CNR2: variants seen among roughly 807,000 people sequenced by gnomAD.
CNR2 encodes cannabinoid receptor 2 (macrophage).
For missense variants in CNR2, 379 were observed against 439.9 expected, an observed-to-expected ratio of 0.86 and a Z score of 1.24; for synonymous variants, 172 against 182.2, an observed-to-expected ratio of 0.94 and a Z score of 0.45.
At chr1:23,882,095 G>T (rs1639998057) in intron 1 of CNR2, among the ~76,000 whole-genome samples, 1 of 151,500 alleles carries the variant, frequency 6.6e-6, no homozygotes, top group African/African-American at 2.4e-5. Context: ...CTAATTTTTT[G>T]TATTTTTAGT....
chr1:23,885,982 G>T (rs1640082690), intron 1 of CNR2, among the ~76,000 whole-genome samples: 1 of 151,798 alleles, frequency 6.6e-6, no homozygotes, highest in African/African-American at 2.4e-5. Context: ...AAGGTCAGGA[G>T]TTTGAGACCA....
intron 1 of CNR2, chr1:23,902,241 A>G: frequency 7.4e-7 from 1 of 1,355,978 alleles, no homozygotes; most frequent in Middle Eastern, 1.9e-4. Flanking sequence ...AATGATCTCC[A>G]ACGTCTGCCG....
In CNR2 at chr1:23,874,595, C is replaced by T. The variant is rs745782815; in HGVS notation, c.1023G>A (p.Glu341=). Residue 341 remains glutamate (E), a synonymous_variant, in exon 2 of 2, where the codon GAG becomes GAA. Transcript: ENST00000374472. ...EAPRSSVTET[E]ADGKITPWPD... ...GCCACGGAGTGATTTTCCCATCAGC[C>T]TCTGTCTCGGTGACTGAGGATCTCG... 3 of 1,614,020 alleles carry T rather than the reference C, an allele frequency of 1.9e-6. No individual in the cohort carries two copies. In the African/African-American group the frequency reaches 4.0e-5, roughly 22 times the overall value.
intron 1 of CNR2, among the ~76,000 whole-genome samples, chr1:23,898,335 C>CCAATTTTTTTTTTTTTTTTTTTT (rs1230917304): frequency 9.2e-6 from 1 of 108,226 alleles, no homozygotes; most frequent in Non-Finnish European, 1.8e-5. Context: ...CCGCGCCCGG[C>CCAATTTTTTTTTTTTTTTTTTTT]TTTTTTTTTT....
intron 1 of CNR2, among the ~76,000 whole-genome samples, chr1:23,903,509 A>C (rs1640437815): frequency 6.6e-6 from 1 of 150,574 alleles, no homozygotes; most frequent in African/African-American, 2.5e-5. Context: ...AGGTGGTTGA[A>C]GCTACAGCTA....
At chr1:23,909,966 T>C (rs1217754016) in intron 1 of CNR2, among the ~76,000 whole-genome samples, 5 of 150,402 alleles carry the variant, frequency 3.3e-5, no homozygotes, top group Non-Finnish European at 5.9e-5. Context: ...GTCTCTCTCC[T>C]TCTTTTTTTT....
At chr1:23,904,919 T>A (rs1416634863) in intron 1 of CNR2, among the ~76,000 whole-genome samples, 1 of 152,150 alleles carries the variant, frequency 6.6e-6, no homozygotes, top group African/African-American at 2.4e-5. Context: ...TACCTCTTCC[T>A]GGTTTGGCCA....
chr1:23,902,081 GA>G lies in CNR2; in HGVS notation c.-46+11164del. ...GCAAACTCCTCTAGGGTCATGGTTGGAATTCGGATCAGATAGAGGGCTCGCC... is the reference window on the plus strand; with the variant it reads ...GCAAACTCCTCTAGGGTCATGGTTGGATTCGGATCAGATAGAGGGCTCGCC... On this transcript the variant is annotated intron_variant, in intron 1 of 1. Coordinates refer to ENST00000374472, the MANE Select transcript of CNR2 (RefSeq NM_001841.3). 2.6e-6 allele frequency: 4 copies of G among 1,519,640 alleles called. No individual in the cohort carries two copies. The South Asian group carries it at 4.5e-5, about 17-fold the overall frequency. The allele number at this position is 1,519,640 out of a possible 1,614,324, so 94.1% of individuals were successfully genotyped here. A position where few individuals can be genotyped will look rare whatever the true frequency, so the allele number is the denominator to read the frequency against.
rs199818268 is a variant in CNR2, at chr1:23,874,824, A to C, written c.794T>G (p.Met265Arg). 39 of 1,614,094 alleles carry C rather than the reference A, an allele frequency of 2.4e-5. No individual in the cohort carries two copies. Among genetic ancestry groups the C allele is most frequent in the Non-Finnish European group, 3.2e-5 (38 of 1,180,042 alleles). The change falls in exon 2 of 2, where the codon ATG becomes AGG. Residue 265 changes from methionine (M) to arginine (R), a missense_variant. Physicochemically the swap from Met to Arg is moderately conservative, Grantham distance 91. Transcript: ENST00000374472. ...LICWFPVLAL[M>R]AHSLATTLSD... ...GAGCGTAGTGGCCAGGCTGTGGGCC[A>C]TGAGGGCCAGCACTGGGAACCAACA...
At position 23,901,843 on chromosome 1, in the gene CNR2, A is replaced by C. The variant is rs966680472; in HGVS notation, c.-46+11403T>G. On this transcript the variant is annotated intron_variant, in intron 1 of 1. Transcript: ENST00000374472. The stretch of plus-strand genomic sequence containing the variant: ...CAATAAATACCCTTCTGTCCACTGC[A>C]AACTGGATGCTGTCGCAGCGCCCGC... 2.5e-6 allele frequency: 4 copies of C among 1,609,146 alleles called. 1 individual carries two copies. The highest frequency in any genetic ancestry group is 3.3e-4 in the Middle Eastern group (2 of 6,052).
Position 23,895,109 on chromosome 1 carries a change from C to G in CNR2, c.-46+18137G>C, listed in dbSNP as rs577681020. On this transcript the variant is annotated intron_variant, in intron 1 of 1. Transcript: ENST00000374472. Reference sequence around the variant, plus strand: ...TGGTGGCGTGTGCCTATAATCCCAGCTACTTGGAGGCTGAGGCAGGAGAAT... The same window carrying G: ...TGGTGGCGTGTGCCTATAATCCCAGGTACTTGGAGGCTGAGGCAGGAGAAT... Among the ~76,000 whole-genome samples the G allele has an allele frequency of 1.2e-3, 178 of 152,046 alleles. 2 individuals are homozygous for G. The highest frequency in any genetic ancestry group is 0.01 in the Middle Eastern group (3 of 294).
Position 23,874,478 on chromosome 1 carries a change from C to G in CNR2, c.*57G>C, listed in dbSNP as rs1639827840. 1 of 1,549,018 alleles carries G rather than the reference C, an allele frequency of 6.5e-7. No individual in the cohort carries two copies. The highest frequency in any genetic ancestry group is 1.2e-5 in the South Asian group (1 of 82,624). Reference sequence around the variant, plus strand: ...AGAGAGTGCCAAGACCCCTCTCTCTCTTCCAGGGAGTGAACTGATTTCTGA... The same window carrying G: ...AGAGAGTGCCAAGACCCCTCTCTCTGTTCCAGGGAGTGAACTGATTTCTGA... On this transcript the variant is annotated 3_prime_UTR_variant, in exon 2 of 2. Coordinates refer to ENST00000374472, the MANE Select transcript of CNR2 (RefSeq NM_001841.3).
chr1:23,893,092 C>T (rs7512349), intron 1 of CNR2, among the ~76,000 whole-genome samples: 124,351 of 152,126 alleles, frequency 0.82, 50,926 homozygotes, highest in Admixed American at 0.84. Context: ...TATCTATAGT[C>T]CCTTTCTCTA....
intron 1 of CNR2, among the ~76,000 whole-genome samples, chr1:23,902,893 G>C (rs1001968512): frequency 2.0e-5 from 3 of 151,052 alleles, no homozygotes; most frequent in Non-Finnish European, 4.4e-5. Flanking sequence ...CGGCGCTGGC[G>C]GGGACGTAGA....
intron 1 of CNR2, chr1:23,902,604 A>G: frequency 6.2e-7 from 1 of 1,604,354 alleles, no homozygotes; most frequent in East Asian, 2.2e-5. Flanking sequence ...GGCATAGAAG[A>G]CGGAGCTGCA....
intron 1 of CNR2, among the ~76,000 whole-genome samples, chr1:23,889,264 CGTTGCTGCTGG>C (rs1557528094): frequency 6.6e-6 from 1 of 152,124 alleles, no homozygotes; most frequent in African/African-American, 2.4e-5. Flanking sequence ...GCTGGTCCCA[CGTTGCTGCTGG>C]GTTTAAATCT....
chr1:23,896,776 T>C (rs1640292381), intron 1 of CNR2, among the ~76,000 whole-genome samples: 1 of 152,024 alleles, frequency 6.6e-6, no homozygotes, highest in Admixed American at 6.6e-5. Flanking sequence ...AGCCCTGGAT[T>C]AAGGAGATAG....
At chr1:23,896,533 C>T (rs1640288736) in intron 1 of CNR2, among the ~76,000 whole-genome samples, 1 of 152,244 alleles carries the variant, frequency 6.6e-6, no homozygotes, top group African/African-American at 2.4e-5. Context: ...GCTTTCTCCT[C>T]ACTTTCTCAA....
chr1:23,874,430 GT>G lies in CNR2; in HGVS notation c.*104del. 3.1e-6 allele frequency: 4 copies of G among 1,281,158 alleles called. No individual in the cohort carries two copies. In the South Asian group the frequency reaches 4.3e-5, roughly 14 times the overall value. 79.4% of individuals were successfully genotyped at this position (1,281,158 alleles called of 1,614,324 possible). A position where few individuals can be genotyped will look rare whatever the true frequency, so the allele number is the denominator to read the frequency against. On this transcript the variant is annotated 3_prime_UTR_variant, in exon 2 of 2. Coordinates refer to ENST00000374472, the MANE Select transcript of CNR2 (RefSeq NM_001841.3). ...AGCAAAAAGGGGTCCGTGTCTAGGT[GT>G]CTGGGACTGGTTTAAGTAAGAAGAG...
Sources: gnomAD v4.1 joint callset for allele counts (sites outside exome capture counted in the v4.1 genomes callset) on GRCh38, gnomAD v4.1.1 for gene constraint, MANE v1.5 for transcripts, NCBI Gene and HGNC (gene_info 2026-07-23, HGNC 2026-07-21) for gene names.